FBXL17: variants seen among roughly 807,000 people sequenced by gnomAD.
FBXL17 encodes the protein F-box/LRR-repeat protein 17.
In FBXL17, 22 loss-of-function variants were observed where a neutral mutation model predicts 66.2. That is an observed-to-expected ratio of 0.33 (90% CI 0.24 to 0.47). The LOEUF (loss-of-function observed/expected upper bound fraction) is 0.47, where lower values mean the gene tolerates loss of function less well. Among genes scored for constraint, FBXL17 ranks in the 20% least tolerant of loss-of-function variants. The pLI is 1.00. For synonymous variants in FBXL17, 474 were observed against 400.5 expected (o/e 1.18, Z -2.19); for missense variants, 878 against 948.2 (o/e 0.93, Z 0.97).
chr5:108,048,737 G>A (rs1294385005), intron 6 of FBXL17, among the ~76,000 whole-genome samples: 5 of 152,144 alleles, frequency 3.3e-5, no homozygotes, highest in African/African-American at 9.7e-5. Flanking sequence ...CTGAAGTAAG[G>A]CATGCAGACA....
At chr5:108,120,047 T>C (rs1750422421) in intron 6 of FBXL17, among the ~76,000 whole-genome samples, 2 of 152,202 alleles carry the variant, frequency 1.3e-5, no homozygotes, top group South Asian at 4.1e-4. Context: ...AACTTTTGCC[T>C]ACCTTCATTC....
chr5:108,219,417 T>C (rs1754751861), intron 5 of FBXL17, among the ~76,000 whole-genome samples: 1 of 152,144 alleles, frequency 6.6e-6, no homozygotes, highest in Non-Finnish European at 1.5e-5. Context: ...TGGATGTGGT[T>C]GCTCACGCCT....
In FBXL17 at chr5:108,213,443, CT is replaced by C. The variant is rs536097929; in HGVS notation, c.1614+10677del. On this transcript the variant is annotated intron_variant, in intron 5 of 8. Coordinates refer to ENST00000542267, the MANE Select transcript of FBXL17 (RefSeq NM_001163315.3). Reference sequence around the variant, plus strand: ...TGGTGGCATAGGCACCGCAGGGAATCTCCTGGTTTGCAGATTGCAAAGACCA... The same window carrying C: ...TGGTGGCATAGGCACCGCAGGGAATCCCTGGTTTGCAGATTGCAAAGACCA... Among the ~76,000 whole-genome samples the C allele has an allele frequency of 5.9e-5, 9 of 152,332 alleles. No homozygotes were observed. The East Asian group carries it at 1.7e-3, about 29-fold the overall frequency.
chr5:108,345,424 C>T (rs991275914), intron 4 of FBXL17, among the ~76,000 whole-genome samples: 3 of 151,668 alleles, frequency 2.0e-5, no homozygotes, highest in African/African-American at 7.3e-5. Flanking sequence ...AATCATTGTC[C>T]TCACTTTCCA....
At chr5:108,359,083 A>G (rs1330655809) in intron 3 of FBXL17, among the ~76,000 whole-genome samples, 1 of 152,080 alleles carries the variant, frequency 6.6e-6, no homozygotes, top group Non-Finnish European at 1.5e-5. Context: ...CTTCTAGCCT[A>G]TCCAATTTGT....
intron 6 of FBXL17, among the ~76,000 whole-genome samples, chr5:108,039,845 C>G (rs1212345167): frequency 2.0e-5 from 3 of 151,972 alleles, no homozygotes; most frequent in Non-Finnish European, 4.4e-5. Flanking sequence ...GAAAATGTAA[C>G]AAAGCAGCAA....
At chr5:107,973,907 A>G (rs1358342179) in intron 7 of FBXL17, among the ~76,000 whole-genome samples, 1 of 151,610 alleles carries the variant, frequency 6.6e-6, no homozygotes, top group Non-Finnish European at 1.5e-5. Flanking sequence ...AATCTTATTT[A>G]GTGATAAAGA....
chr5:108,190,739 T>G (rs538408553), intron 5 of FBXL17, among the ~76,000 whole-genome samples: 1 of 152,302 alleles, frequency 6.6e-6, no homozygotes, highest in East Asian at 1.9e-4. Flanking sequence ...TTAAATTTGA[T>G]AATCCTCATA....
Sources: allele counts gnomAD v4.1 joint callset (sites outside exome capture counted in the v4.1 genomes callset), GRCh38; gene constraint gnomAD v4.1.1; transcripts MANE v1.5; gene names NCBI Gene and HGNC (gene_info 2026-07-23, HGNC 2026-07-21).